Variants in PCARE observed in about 807,000 individuals in gnomAD.
PCARE encodes photoreceptor cilium actin regulator.
PCARE carries 72 observed loss-of-function variants against 82.2 expected under a neutral mutation model. The observed-to-expected ratio is 0.88, with a 90% confidence interval of 0.72 to 1.07. The LOEUF is 1.07. Among genes scored for constraint, PCARE ranks in the 50% least tolerant of loss-of-function variants. The probability of loss-of-function intolerance (pLI) is 0.00; values close to 1 mark genes in which losing one functional copy is unlikely to be tolerated. For synonymous variants in PCARE, 705 were observed against 634.8 expected, an observed-to-expected ratio of 1.11 and a Z score of -1.66; for missense variants, 1,768 against 1,592.4, an observed-to-expected ratio of 1.11 and a Z score of -1.88.
intron 1 of PCARE, among the ~76,000 whole-genome samples, chr2:29,066,533 G>A (rs1265924273): frequency 2.0e-5 from 3 of 152,242 alleles, no homozygotes; most frequent in Admixed American, 6.5e-5. Context: ...AGCTCTGTGA[G>A]GTCAGGCTTA....
chr2:29,070,562 C>G, intron 1 of PCARE, 32 bp downstream of exon 1: 1 of 1,613,804 alleles, frequency 6.2e-7, no homozygotes, highest in Non-Finnish European at 8.5e-7. Flanking sequence ...GTCCAAGCCG[C>G]TGAAGGGCAG....
rs1371017086 is a variant in PCARE, at chr2:29,061,764, C to T, written c.*3105G>A. ...ACAAAGAAAAACTGTCCTCCCTTCC[C>T]CCTTGGGCAAAGGAAGTGGATTTGG... is the stretch of plus-strand genomic sequence containing the variant. On this transcript the variant is annotated 3_prime_UTR_variant, in exon 2 of 2. Coordinates refer to ENST00000331664, the MANE Select transcript of PCARE (RefSeq NM_001029883.3). 6.6e-6 allele frequency: 1 copy of T among 152,200 alleles called. No homozygotes were observed. Among genetic ancestry groups the T allele is most frequent in the African/African-American group, 2.4e-5 (1 of 41,446 alleles). 9.4% of individuals were successfully genotyped at this position (152,200 alleles called of 1,614,324 possible).
Position 29,071,510 on chromosome 2 carries a change from TG to T in PCARE, c.2751del (p.Arg918GlyfsTer7), listed in dbSNP as rs1182748194. ...CTGCTCAGGTCCAGGGCTGGCTTCCTGGGCTGGCAGCTGCTCCTGCCACTCC... is the reference window on the plus strand; with the variant it reads ...CTGCTCAGGTCCAGGGCTGGCTTCCTGGCTGGCAGCTGCTCCTGCCACTCC... Reference protein sequence around the residue: ...GPGSGRSSCQPRKPALDLSSP... With the variant: ...GPGSGRSSCQXRKPALDLSSP... On this transcript the variant is annotated frameshift_variant, in exon 1 of 2. Coordinates refer to ENST00000331664, the MANE Select transcript of PCARE (RefSeq NM_001029883.3). LOFTEE classifies it high-confidence loss of function. 6.2e-7 allele frequency: 1 copy of T among 1,608,990 alleles called. No individual in the cohort carries two copies. Among genetic ancestry groups the T allele is most frequent in the Admixed American group, 1.7e-5 (1 of 60,008 alleles).
chr2:29,066,538 G>A (rs1667392304), intron 1 of PCARE, among the ~76,000 whole-genome samples: 1 of 152,230 alleles, frequency 6.6e-6, no homozygotes. Flanking sequence ...TGTGAGGTCA[G>A]GCTTACATGG....
rs59833221 is a variant in PCARE, at chr2:29,065,071, C to CTG, written c.3669-5_3669-4insCA. ...CTTAGGGCTCTCCTCGCTGCTGCTG[C>CTG]CGAGAGAAAGGACAAGTGCAGGTCA... On this transcript the variant is annotated splice_polypyrimidine_tract_variant and splice_region_variant and intron_variant, in intron 1 of 1. Transcript: ENST00000331664. 3.2e-4 allele frequency: 495 copies of CTG among 1,550,182 alleles called. 5 individuals are homozygous for CTG. In the Middle Eastern group the frequency reaches 3.5e-3, roughly 11 times the overall value.
In PCARE at chr2:29,063,372, T is replaced by A. The variant is rs887731817; in HGVS notation, c.*1497A>T. On this transcript the variant is annotated 3_prime_UTR_variant, in exon 2 of 2. Transcript: ENST00000331664. ...TGTCCCTTTCCAGCAGAGGGGTGGGTTGTGGCCCCTCTTGGTAGTTTAATC... is the reference window on the plus strand; with the variant it reads ...TGTCCCTTTCCAGCAGAGGGGTGGGATGTGGCCCCTCTTGGTAGTTTAATC... 1 of 152,240 alleles carries A rather than the reference T, an allele frequency of 6.6e-6. No individual in the cohort carries two copies. The highest frequency in any genetic ancestry group is 1.5e-5 in the Non-Finnish European group (1 of 68,088). The allele number at this position is 152,240 out of a possible 1,614,324, so 9.4% of individuals were successfully genotyped here.
rs761117759 is a variant in PCARE, at chr2:29,073,855, T to C, written c.407A>G (p.Glu136Gly). ...GADFSGDESE[E>G]SSTQDTSKWK... The stretch of plus-strand genomic sequence containing the variant: ...TTTGGAAGTATCTTGGGTACTACTT[T>C]CCTCACTCTCATCTCCAGAAAAGTC... Residue 136 changes from glutamate to glycine, a missense_variant, in exon 1 of 2, where the codon GAA (glutamate) becomes GGA (glycine). Physicochemically the swap from Glu to Gly is moderately conservative, Grantham distance 98 (BLOSUM62 -2). Transcript: ENST00000331664. 4.6e-5 allele frequency: 74 copies of C among 1,614,126 alleles called. No homozygotes were observed. The East Asian group carries it at 1.4e-3, about 32-fold the overall frequency.
chr2:29,061,815 A>C lies in PCARE; in HGVS notation c.*3054T>G, dbSNP rs1667312257. The C allele has an allele frequency of 6.6e-6, 1 of 152,202 alleles. No individual in the cohort carries two copies. The highest frequency in any genetic ancestry group is 2.4e-5 in the African/African-American group (1 of 41,458). 9.4% of individuals were successfully genotyped at this position (152,202 alleles called of 1,614,324 possible). On this transcript the variant is annotated 3_prime_UTR_variant, in exon 2 of 2. Coordinates refer to ENST00000331664, the MANE Select transcript of PCARE (RefSeq NM_001029883.3). Reference sequence around the variant, plus strand: ...CCCAGCAAGGATACCATTCTTGGGTAGAAGGGAGATGGTGGGCGTGAGCAG... The same window carrying C: ...CCCAGCAAGGATACCATTCTTGGGTCGAAGGGAGATGGTGGGCGTGAGCAG...
chr2:29,074,353 C>T lies in PCARE; in HGVS notation c.-92G>A. ...ACAAAAGGCAATCTTACTAGTCCAT[C>T]CAGGCAATTTTCAGGCCAGAATTCT... On this transcript the variant is annotated 5_prime_UTR_variant, in exon 1 of 2. Coordinates refer to ENST00000331664, the MANE Select transcript of PCARE (RefSeq NM_001029883.3). 1 of 1,378,014 alleles carries T rather than the reference C, an allele frequency of 7.3e-7. No homozygotes were observed. Among genetic ancestry groups the T allele is most frequent in the Non-Finnish European group, 9.8e-7 (1 of 1,025,402 alleles). 85.4% of individuals were successfully genotyped at this position (1,378,014 alleles called of 1,614,324 possible).
Position 29,070,872 on chromosome 2 carries a change from C to G in PCARE, c.3390G>C (p.Leu1130=), listed in dbSNP as rs371814736. ...HSIFCPATSS[L]FEAKPPLSTA... ...TTGAGAGTGGCGGTTTAGCTTCAAA[C>G]AGAGAGGAGGTAGCTGGGCAGAATA... The change falls in exon 1 of 2, where the codon CTG becomes CTC. Residue 1130 remains leucine, a synonymous_variant. Coordinates refer to ENST00000331664, the MANE Select transcript of PCARE (RefSeq NM_001029883.3). 5.6e-6 allele frequency: 9 copies of G among 1,613,730 alleles called. No homozygotes were observed. Among genetic ancestry groups the G allele is most frequent in the Non-Finnish European group, 6.8e-6 (8 of 1,180,016 alleles).
rs749848766 is a variant in PCARE, at chr2:29,064,987, C to T, written c.3749G>A (p.Arg1250His). Residue 1250 changes from arginine to histidine, a missense_variant, in exon 2 of 2, where the codon CGT becomes CAT. Physicochemically the swap from Arg to His is conservative, Grantham distance 29. Coordinates refer to ENST00000331664, the MANE Select transcript of PCARE (RefSeq NM_001029883.3). ...CSPELQGGTR[R>H]ASPPEFCVLG... ...CACACAGAACTCTGGGGGAGATGCA[C>T]GCCTGGTGCCGCCCTGCAGTTCAGG... 37 of 1,579,296 alleles carry T rather than the reference C, an allele frequency of 2.3e-5. No individual in the cohort carries two copies. Among genetic ancestry groups the T allele is most frequent in the Middle Eastern group, 3.5e-4 (2 of 5,768 alleles).
In PCARE at chr2:29,072,830, C is replaced by T. The variant is rs201444022; in HGVS notation, c.1432G>A (p.Ala478Thr). ...TCCTCGCTGTCACTAAGAGATGAAGCGTCCATCGGCCTGGAGGTTTTGGAA... is the reference window on the plus strand; with the variant it reads ...TCCTCGCTGTCACTAAGAGATGAAGTGTCCATCGGCCTGGAGGTTTTGGAA... ...HLSKTSRPMD[A>T]SSLSDSEDSS... Residue 478 changes from alanine (A) to threonine (T), a missense_variant, in exon 1 of 2, where the codon GCT (alanine) becomes ACT (threonine). Physicochemically the swap from Ala to Thr is moderately conservative, Grantham distance 58 (BLOSUM62 0). Transcript: ENST00000331664. The T allele has an allele frequency of 3.2e-5, 51 of 1,614,134 alleles. No homozygotes were observed. The highest frequency in any genetic ancestry group is 5.3e-5 in the African/African-American group (4 of 75,034).
At chr2:29,070,473 T>C in intron 1 of PCARE, 121 bp downstream of exon 1, 1 of 1,364,018 alleles carries the variant, frequency 7.3e-7, no homozygotes, top group East Asian at 2.3e-5. Context: ...TTTTCCCAAC[T>C]GCCTCTTCTC....
Position 29,061,933 on chromosome 2 carries a change from C to T in PCARE, c.*2936G>A, listed in dbSNP as rs914376095. On this transcript the variant is annotated 3_prime_UTR_variant, in exon 2 of 2. Transcript: ENST00000331664. ...GACTCAAGTTTGTGGAAGACCTGGT[C>T]TCTAGGAGGCAAAACTGACCAGATG... 1 of 152,214 alleles carries T rather than the reference C, an allele frequency of 6.6e-6. No homozygotes were observed. Among genetic ancestry groups the T allele is most frequent in the African/African-American group, 2.4e-5 (1 of 41,446 alleles). The allele number at this position is 152,214 out of a possible 1,614,324, so 9.4% of individuals were successfully genotyped here.
At chr2:29,066,801 G>A (rs1336477197) in intron 1 of PCARE, among the ~76,000 whole-genome samples, 6 of 152,228 alleles carry the variant, frequency 3.9e-5, no homozygotes, top group Non-Finnish European at 7.3e-5. Context: ...GAGTAAGGGC[G>A]GCAGAGCGTG....
rs184281410 is a variant in PCARE, at chr2:29,071,297, G to T, written c.2965C>A (p.Pro989Thr). Residue 989 changes from proline to threonine, a missense_variant, in exon 1 of 2, where the codon CCT becomes ACT. Transcript: ENST00000331664. ...GTGGGAGAGGCCTTTCTGCCCACAG[G>T]GGGGCTTCTCTCTCGGCTCTGCCTT... is the stretch of plus-strand genomic sequence containing the variant. Reference protein sequence around the residue: ...RPRQSRERSPPVGRKASPTRT... With the variant: ...RPRQSRERSPTVGRKASPTRT... 8.7e-5 allele frequency: 140 copies of T among 1,613,462 alleles called. No homozygotes were observed. Among genetic ancestry groups the T allele is most frequent in the East Asian group, 2.0e-4 (9 of 44,878 alleles).
rs1400999188 is a variant in PCARE, at chr2:29,073,366, T to C, written c.896A>G (p.Tyr299Cys). ...CAAGTGGGTTGCAGTGGAGTGGAGG[T>C]AGCTGCTGGAGCCCTCCAGGAAGCT... ...TGSFLEGSSS[Y>C]LHSTATHLEN... The change falls in exon 1 of 2, where the codon TAC becomes TGC. Residue 299 changes from tyrosine to cysteine, a missense_variant. By Grantham distance (194) the Tyr-to-Cys change is radical. Transcript: ENST00000331664. 1 of 1,613,758 alleles carries C rather than the reference T, an allele frequency of 6.2e-7. No individual in the cohort carries two copies. Among genetic ancestry groups the C allele is most frequent in the Non-Finnish European group, 8.5e-7 (1 of 1,179,998 alleles).
chr2:29,070,301 C>T (rs922921584), intron 1 of PCARE, among the ~76,000 whole-genome samples: 45 of 152,048 alleles, frequency 3.0e-4, no homozygotes, highest in African/African-American at 1.1e-3. Context: ...CCGGTGTGTG[C>T]CCTTCCTGTG....
rs1452236848 is a variant in PCARE, at chr2:29,071,128, T to C, written c.3134A>G (p.Lys1045Arg). The change falls in exon 1 of 2, where the codon AAG (lysine) becomes AGG (arginine). Residue 1045 changes from lysine to arginine, a missense_variant. By Grantham distance (26) the Lys-to-Arg change is conservative (BLOSUM62 2). Coordinates refer to ENST00000331664, the MANE Select transcript of PCARE (RefSeq NM_001029883.3). ...CTGGTGCGGTGGGGAAGTTCGCCGC[T>C]TTGTGGTGGGTGGGCTTAGCACCCT... ...SPRVLSPPTT[K>R]RRTSPPHQPK... The C allele has an allele frequency of 6.3e-7, 1 of 1,585,258 alleles. No homozygotes were observed. Among genetic ancestry groups the C allele is most frequent in the African/African-American group, 1.4e-5 (1 of 73,918 alleles).
Sources: allele counts gnomAD v4.1 joint callset (sites outside exome capture counted in the v4.1 genomes callset), GRCh38; gene constraint gnomAD v4.1.1; transcripts MANE v1.5; gene names NCBI Gene and HGNC (gene_info 2026-07-23, HGNC 2026-07-21).